Variants in POMT2 observed in about 807,000 individuals in gnomAD.
The protein encoded by POMT2 is protein O-mannosyltransferase 2.
Under a neutral mutation model 100.0 loss-of-function variants are expected in POMT2, and 75 were observed. The ratio of observed to expected loss-of-function variants is 0.75; its 90% CI spans 0.62 to 0.91. POMT2 has a LOEUF of 0.91. Ranked by LOEUF, POMT2 falls within the 40% of genes least tolerant of loss-of-function variation. The probability of loss-of-function intolerance (pLI) is 0.00; values close to 1 mark genes in which losing one functional copy is unlikely to be tolerated. For synonymous variants in POMT2, 378 were observed against 374.1 expected, an observed-to-expected ratio of 1.01 and a Z score of -0.12; for missense variants, 940 against 955.1, an observed-to-expected ratio of 0.98 and a Z score of 0.21.
At chr14:77,313,074 C>A (rs570108994) in intron 1 of POMT2, among the ~76,000 whole-genome samples, 3 of 152,348 alleles carry the variant, frequency 2.0e-5, no homozygotes, top group Admixed American at 1.3e-4. Context: ...TACATGAGGG[C>A]TTTGGGAACG....
chr14:77,286,947 T>G, intron 11 of POMT2, 125 bp from the exon 12 acceptor site: 1 of 1,531,376 alleles, frequency 6.5e-7, no homozygotes. Context: ...AACTATTAAA[T>G]CCAACATATC....
chr14:77,310,079 A>G (rs900641384), intron 2 of POMT2, among the ~76,000 whole-genome samples: 1 of 152,248 alleles, frequency 6.6e-6, no homozygotes, highest in Non-Finnish European at 1.5e-5. Flanking sequence ...GTCCCCACAG[A>G]AAGACTGGGC....
Position 77,300,961 on chromosome 14 carries a change from G to C in POMT2, c.816+129C>G. 10 of 1,588,784 alleles carry C rather than the reference G, an allele frequency of 6.3e-6. No homozygotes were observed. The South Asian group carries it at 9.0e-5, about 14-fold the overall frequency. On this transcript the variant is annotated intron_variant, in intron 6 of 20. Coordinates refer to ENST00000261534, the MANE Select transcript of POMT2 (RefSeq NM_013382.7). ...TCCTGCTGTCTGCGGAGGTTGGGGG[G>C]TCCAGCCCACCTGGGACCCAGAACA...
intron 1 of POMT2, among the ~76,000 whole-genome samples, chr14:77,315,904 C>T (rs991715474): frequency 2.6e-5 from 4 of 152,140 alleles, no homozygotes; most frequent in Admixed American, 1.3e-4. Flanking sequence ...CCCAGCTACT[C>T]GGGAGGCTAA....
At position 77,290,558 on chromosome 14, in the gene POMT2, G is replaced by A. The variant is rs1478552660; in HGVS notation, c.1183+756C>T. ...TTGCTGAGGAGTCACAGAGATACCT[G>A]TGGCACAGGACTGTCAGCAGAGATG... On this transcript the variant is annotated intron_variant, in intron 10 of 20. Coordinates refer to ENST00000261534, the MANE Select transcript of POMT2 (RefSeq NM_013382.7). Among the ~76,000 whole-genome samples the A allele has an allele frequency of 5.3e-5, 8 of 152,378 alleles. No individual in the cohort carries two copies. In the East Asian group the frequency reaches 1.3e-3, roughly 26 times the overall value.
intron 15 of POMT2, among the ~76,000 whole-genome samples, chr14:77,281,337 T>C (rs950594649): frequency 1.3e-5 from 2 of 152,154 alleles, no homozygotes; most frequent in Non-Finnish European, 2.9e-5. Flanking sequence ...TAATACTTTA[T>C]ACTGTACATC....
At chr14:77,306,301 G>T in intron 3 of POMT2, 36 bp downstream of exon 3, 1 of 1,608,478 alleles carries the variant, frequency 6.2e-7, no homozygotes, top group East Asian at 2.2e-5. Context: ...GTGGCCCCAG[G>T]GTTCAGTCAG....
At position 77,298,916 on chromosome 14, in the gene POMT2, A is replaced by T; in HGVS notation, c.924-145T>A. The T allele has an allele frequency of 3.6e-6, 3 of 838,594 alleles. No individual in the cohort carries two copies. In the Admixed American group the frequency reaches 6.0e-5, roughly 17 times the overall value. The allele number at this position is 838,594 out of a possible 1,614,324, so 51.9% of individuals were successfully genotyped here. On this transcript the variant is annotated intron_variant, in intron 7 of 20. Coordinates refer to ENST00000261534, the MANE Select transcript of POMT2 (RefSeq NM_013382.7). Reference sequence around the variant, plus strand: ...CAGAGGTGGGTGATGGAGTTGGAGAAACTGGGGTCCAAATCCCAACTCAGC... The same window carrying T: ...CAGAGGTGGGTGATGGAGTTGGAGATACTGGGGTCCAAATCCCAACTCAGC...
intron 16 of POMT2, 59 bp from the exon 17 acceptor site, chr14:77,280,139 TA>T (rs1373610920): frequency 1.9e-6 from 3 of 1,612,118 alleles, no homozygotes; most frequent in Non-Finnish European, 2.5e-6. Context: ...CCACACCCAT[TA>T]GGGGGAGGAA....
At chr14:77,280,151 G>C in intron 16 of POMT2, 71 bp from the exon 17 acceptor site, 1 of 1,611,120 alleles carries the variant, frequency 6.2e-7, no homozygotes, top group Non-Finnish European at 8.5e-7. Context: ...GGGGGAGGAA[G>C]ATGGTCACCT....
intron 1 of POMT2, among the ~76,000 whole-genome samples, chr14:77,317,231 G>A (rs1891666207): frequency 6.6e-6 from 1 of 152,236 alleles, no homozygotes; most frequent in Non-Finnish European, 1.5e-5. Context: ...GACCACACCT[G>A]CTCCTGGGAG....
At position 77,316,663 on chromosome 14, in the gene POMT2, A is replaced by T. The variant is rs560141039; in HGVS notation, c.248+3771T>A. 1.6e-4 allele frequency among the ~76,000 whole-genome samples: 25 copies of T among 152,048 alleles called. 2 individuals carry two copies. The South Asian group carries it at 4.8e-3, about 29-fold the overall frequency. On this transcript the variant is annotated intron_variant, in intron 1 of 20. Coordinates refer to ENST00000261534, the MANE Select transcript of POMT2 (RefSeq NM_013382.7). ...AGTGGCAGCTCCCACTCTGGGAGAA[A>T]CAACCTTCTCTGCTACCTGAAGCCG...
intron 9 of POMT2, 40 bp from the exon 10 acceptor site, chr14:77,291,420 G>A (rs1594789043): frequency 2.0e-6 from 3 of 1,524,138 alleles, no homozygotes; most frequent in East Asian, 4.6e-5. Context: ...GGAAGCAGGA[G>A]GGAGAATACC....
chr14:77,284,341 C>T (rs1890340274), intron 14 of POMT2: 1 of 215,614 alleles, frequency 4.6e-6, no homozygotes, highest in African/African-American at 2.3e-5. Context: ...TCCTGGCATA[C>T]TTGATAAAGA....
At chr14:77,306,311 G>A in intron 3 of POMT2, 26 bp downstream of exon 3, 1 of 1,610,040 alleles carries the variant, frequency 6.2e-7, no homozygotes. Context: ...GGTTCAGTCA[G>A]TCCATTTCAA....
Position 77,279,733 on chromosome 14 carries a change from A to G in POMT2, c.1891+90T>C, listed in dbSNP as rs911494605. On this transcript the variant is annotated intron_variant, in intron 18 of 20. Transcript: ENST00000261534. The stretch of plus-strand genomic sequence containing the variant: ...AGGTGTGGGGTGGTAAACGCAAAGG[A>G]TGGCCCATCAGCAGGCAGCCGGCCC... 3 of 1,287,788 alleles carry G rather than the reference A, an allele frequency of 2.3e-6. No individual in the cohort carries two copies. In the Admixed American group the frequency reaches 5.9e-5, roughly 25 times the overall value. 79.8% of individuals were successfully genotyped at this position (1,287,788 alleles called of 1,614,324 possible).
chr14:77,281,460 C>T (rs1258882581), intron 15 of POMT2, among the ~76,000 whole-genome samples: 1 of 152,152 alleles, frequency 6.6e-6, no homozygotes, highest in African/African-American at 2.4e-5. Flanking sequence ...GACCCAGACT[C>T]AGCCTCCCTA....
Position 77,288,823 on chromosome 14 carries a change from C to A in POMT2, c.1192G>T (p.Asp398Tyr). The A allele has an allele frequency of 6.2e-7, 1 of 1,613,776 alleles. No individual in the cohort carries two copies. Among genetic ancestry groups the A allele is most frequent in the Non-Finnish European group, 8.5e-7 (1 of 1,179,878 alleles). ...ACAAACTCCACTGGGAAGGAAGGGT[C>A]TAGGGGATCTGCCAAAAAGAAACAA... Reference protein sequence around the residue: ...KKHNTNSDPLDPSFPVEFVRH... With the variant: ...KKHNTNSDPLYPSFPVEFVRH... Residue 398 changes from aspartate to tyrosine, a missense_variant, in exon 11 of 21, where the codon GAC becomes TAC. Asp to Tyr is a radical substitution (Grantham distance 160). Coordinates refer to ENST00000261534, the MANE Select transcript of POMT2 (RefSeq NM_013382.7).
intron 5 of POMT2, among the ~76,000 whole-genome samples, 153 bp from the exon 6 acceptor site, chr14:77,301,402 T>C (rs535828937): frequency 6.6e-6 from 1 of 152,250 alleles, no homozygotes; most frequent in Non-Finnish European, 1.5e-5. Context: ...CGTGGCTCCA[T>C]GGAGGAGGCG....
Sources: gnomAD v4.1 joint callset for allele counts (sites outside exome capture counted in the v4.1 genomes callset) on GRCh38, gnomAD v4.1.1 for gene constraint, MANE v1.5 for transcripts, NCBI Gene and HGNC (gene_info 2026-07-23, HGNC 2026-07-21) for gene names.